The following DGKB variants were observed in gnomAD, a reference collection of about 807,000 sequenced individuals.
DGKB encodes the protein diacylglycerol kinase beta.
A neutral mutation model predicts 114.3 loss-of-function variants in DGKB; 67 were observed. The observed-to-expected ratio is 0.59, with a 90% CI of 0.48 to 0.72. The LOEUF is 0.72. Ranked by LOEUF, DGKB falls within the 30% of genes least tolerant of loss-of-function variation. DGKB has a pLI of 0.00. For synonymous variants in DGKB, 398 were observed against 323.1 expected, an observed-to-expected ratio of 1.23 and a Z score of -2.49; for missense variants, 907 against 975.2, an observed-to-expected ratio of 0.93 and a Z score of 0.93.
At chr7:14,584,696 T>C (rs975968409) in intron 17 of DGKB, among the ~76,000 whole-genome samples, 1 of 152,030 alleles carries the variant, frequency 6.6e-6, no homozygotes, top group Non-Finnish European at 1.5e-5. Context: ...TTCACTTTTG[T>C]CGCCCAATAT....
At chr7:14,316,810 A>G (rs1806640268) in intron 23 of DGKB, among the ~76,000 whole-genome samples, 1 of 151,138 alleles carries the variant, frequency 6.6e-6, no homozygotes. Flanking sequence ...CTGATATCAA[A>G]GCCGGGCAGA....
intron 20 of DGKB, among the ~76,000 whole-genome samples, chr7:14,524,559 C>T (rs1288649177): frequency 6.6e-6 from 1 of 152,056 alleles, no homozygotes; most frequent in African/African-American, 2.4e-5. Context: ...AGTTTGAGAC[C>T]AGCCTGAACA....
chr7:14,159,008 C>T (rs1220572309), intron 25 of DGKB, among the ~76,000 whole-genome samples: 1 of 152,222 alleles, frequency 6.6e-6, no homozygotes. Context: ...ATGGTCATTA[C>T]CTCTCCCGCC....
chr7:14,187,563 G>A (rs1386475836), intron 23 of DGKB, among the ~76,000 whole-genome samples: 3 of 152,156 alleles, frequency 2.0e-5, no homozygotes, highest in African/African-American at 7.2e-5. Flanking sequence ...CATCACAAAC[G>A]CCTGCAGCCT....
At chr7:14,615,113 T>C (rs557954798) in intron 15 of DGKB, among the ~76,000 whole-genome samples, 4 of 152,146 alleles carry the variant, frequency 2.6e-5, no homozygotes, top group African/African-American at 9.6e-5. Context: ...CAAATAGCAA[T>C]AATAAATAGA....
chr7:14,482,590 A>G (rs1783143841), intron 20 of DGKB, among the ~76,000 whole-genome samples: 2 of 152,064 alleles, frequency 1.3e-5, no homozygotes, highest in South Asian at 4.1e-4. Flanking sequence ...GTAATACCAC[A>G]AAGAGCAGCT....
chr7:14,873,540 C>T (rs1249120243), intron 1 of DGKB, among the ~76,000 whole-genome samples: 3 of 151,794 alleles, frequency 2.0e-5, no homozygotes, highest in Admixed American at 6.6e-5. Context: ...TTATTTTGAA[C>T]AATGTATCTA....
chr7:14,608,733 A>G (rs1421271769), intron 16 of DGKB, among the ~76,000 whole-genome samples: 2 of 152,080 alleles, frequency 1.3e-5, no homozygotes, highest in African/African-American at 2.4e-5. Context: ...GCAAGGTTTC[A>G]GGACACAAAA....
intron 21 of DGKB, among the ~76,000 whole-genome samples, chr7:14,434,760 T>C (rs574524878): frequency 6.6e-6 from 1 of 152,280 alleles, no homozygotes; most frequent in African/African-American, 2.4e-5. Context: ...GGAAAAGTTA[T>C]CAACCAGTAG....
At chr7:14,549,701 C>G (rs757054400) in intron 20 of DGKB, among the ~76,000 whole-genome samples, 1 of 152,092 alleles carries the variant, frequency 6.6e-6, no homozygotes, top group Non-Finnish European at 1.5e-5. Flanking sequence ...ATTAAAATCT[C>G]TAGCTGGCTG....
chr7:14,830,971 T>A (rs1846335968), intron 2 of DGKB, among the ~76,000 whole-genome samples: 1 of 151,854 alleles, frequency 6.6e-6, no homozygotes, highest in African/African-American at 2.4e-5. Context: ...GTTAAGAGAC[T>A]TAGTTTTTTA....
At chr7:14,170,198 AAAGAAAT>A in intron 25 of DGKB, among the ~76,000 whole-genome samples, 1 of 144,920 alleles carries the variant, frequency 6.9e-6, no homozygotes. Flanking sequence ...AGAAAGAAAG[AAAGAAAT>A]ACATTAAGCC....
intron 21 of DGKB, among the ~76,000 whole-genome samples, chr7:14,367,842 T>G (rs940094548): frequency 4.6e-5 from 7 of 151,734 alleles, no homozygotes; most frequent in African/African-American, 1.7e-4. Flanking sequence ...TGTTAAAACT[T>G]CAGATCTCGT....
intron 23 of DGKB, among the ~76,000 whole-genome samples, chr7:14,229,641 T>G (rs548350281): frequency 6.6e-6 from 1 of 152,076 alleles, no homozygotes; most frequent in African/African-American, 2.4e-5. Context: ...GCCAGAAAAT[T>G]AAGCTATCTG....
intron 1 of DGKB, among the ~76,000 whole-genome samples, chr7:14,932,180 A>G (rs1354504400): frequency 6.6e-6 from 1 of 152,152 alleles, no homozygotes; most frequent in Non-Finnish European, 1.5e-5. Flanking sequence ...CCATGTGGGA[A>G]GATGGGCTGC....
intron 2 of DGKB, among the ~76,000 whole-genome samples, chr7:14,822,084 CAGTTTA>C (rs1239437712): frequency 6.6e-6 from 1 of 152,072 alleles, no homozygotes; most frequent in Non-Finnish European, 1.5e-5. Context: ...ATTTAATTTT[CAGTTTA>C]CTTTAATCGG....
At chr7:14,933,209 C>T (rs1785117028) in intron 1 of DGKB, among the ~76,000 whole-genome samples, 1 of 152,188 alleles carries the variant, frequency 6.6e-6, no homozygotes, top group Non-Finnish European at 1.5e-5. Flanking sequence ...ACTACTAAAA[C>T]ATCACTAATT....
At chr7:14,460,440 C>A (rs28829318) in intron 21 of DGKB, among the ~76,000 whole-genome samples, 16,466 of 149,622 alleles carry the variant, frequency 0.11, 1,094 homozygotes, top group East Asian at 0.22. Flanking sequence ...AAAAAAAAAA[C>A]CAGGGATTGC....
At chr7:14,233,401 T>C (rs1792218319) in intron 23 of DGKB, among the ~76,000 whole-genome samples, 1 of 152,052 alleles carries the variant, frequency 6.6e-6, no homozygotes, top group Non-Finnish European at 1.5e-5. Context: ...CAATATTTCA[T>C]GCCAGTGTCC....
Sources: allele counts gnomAD v4.1 joint callset (sites outside exome capture counted in the v4.1 genomes callset), GRCh38; gene constraint gnomAD v4.1.1; transcripts MANE v1.5; gene names NCBI Gene and HGNC (gene_info 2026-07-23, HGNC 2026-07-21).